Variants in UBAC1 observed in about 807,000 individuals in gnomAD.
The protein encoded by UBAC1 is UBA domain containing 1.
In UBAC1, 27 loss-of-function variants were observed where a neutral mutation model predicts 45.9. The ratio of observed to expected loss-of-function variants is 0.59; its 90% CI spans 0.43 to 0.81. The LOEUF (loss-of-function observed/expected upper bound fraction) is 0.81. Ranked by LOEUF, UBAC1 falls within the 30% of genes least tolerant of loss-of-function variation. The probability of loss-of-function intolerance (pLI) is 0.00; values close to 1 mark genes in which losing one functional copy is unlikely to be tolerated. For synonymous variants in UBAC1, 227 were observed against 215.5 expected, an observed-to-expected ratio of 1.05 and a Z score of -0.47; for missense variants, 529 against 539.2, an observed-to-expected ratio of 0.98 and a Z score of 0.19.
chr9:135,950,447 C>A, intron 3 of UBAC1, among the ~76,000 whole-genome samples: 1 of 152,204 alleles, frequency 6.6e-6, no homozygotes, highest in East Asian at 1.9e-4. Context: ...TTTCCAGAAG[C>A]TTTATCGGCT....
At chr9:135,946,470 T>C in intron 4 of UBAC1, 99 bp from the exon 5 acceptor site, 1 of 789,798 alleles carries the variant, frequency 1.3e-6, no homozygotes, top group Admixed American at 2.0e-5. Flanking sequence ...ATTCTGAGAG[T>C]TGAGATGACA....
intron 9 of UBAC1, among the ~76,000 whole-genome samples, chr9:135,937,481 T>C (rs141920852): frequency 0.023 from 3,478 of 148,042 alleles, 49 homozygotes; most frequent in Non-Finnish European, 0.023. Context: ...GCACCACATG[T>C]AGACAACCCA....
chr9:135,941,650 C>G (rs527521959), intron 7 of UBAC1, among the ~76,000 whole-genome samples: 4 of 152,370 alleles, frequency 2.6e-5, no homozygotes, highest in South Asian at 4.1e-4. Flanking sequence ...TGCCCCAGTA[C>G]TCCCAAGGCA....
At chr9:135,935,968 G>A (rs532606346) in intron 9 of UBAC1, among the ~76,000 whole-genome samples, 27 of 151,268 alleles carry the variant, frequency 1.8e-4, no homozygotes, top group Middle Eastern at 3.4e-3. Flanking sequence ...GGAGCTTGCA[G>A]TGAGCTGAGA....
Position 135,946,375 on chromosome 9 carries a change from T to C in UBAC1, c.442-4A>G. On this transcript the variant is annotated splice_polypyrimidine_tract_variant and splice_region_variant and intron_variant, in intron 4 of 9. Coordinates refer to ENST00000371756, the MANE Select transcript of UBAC1 (RefSeq NM_016172.3). ...TCTTCCGGAGTTCTGTCTGGAACTG[T>C]GGTGAAAAAAAAGGAGATCAATTCT... 6.3e-7 allele frequency: 1 copy of C among 1,599,396 alleles called. No homozygotes were observed. The highest frequency in any genetic ancestry group is 8.6e-7 in the Non-Finnish European group (1 of 1,166,896).
In UBAC1 at chr9:135,955,304, G is replaced by T. The variant is rs757485364; in HGVS notation, c.250C>A (p.Gln84Lys). ...CCCACAGCAGCCTTACCTTGGTCCT[G>T]GATGTTCTCTTCCAGGATGGTCCTG... ...DARTILEENI[Q>K]DQDVLLLIKK... The change falls in exon 2 of 10, where the codon CAG becomes AAG. Residue 84 changes from glutamine to lysine, a missense_variant. Gln to Lys is a moderately conservative substitution (Grantham distance 53, BLOSUM62 1). Transcript: ENST00000371756. 1 of 1,586,304 alleles carries T rather than the reference G, an allele frequency of 6.3e-7. No individual in the cohort carries two copies. The highest frequency in any genetic ancestry group is 1.2e-5 in the South Asian group (1 of 86,188).
intron 4 of UBAC1, among the ~76,000 whole-genome samples, chr9:135,946,660 G>A (rs1839341109): frequency 6.6e-6 from 1 of 152,232 alleles, no homozygotes; most frequent in Non-Finnish European, 1.5e-5. Flanking sequence ...GGCCCAGCTG[G>A]CGCAGGTGCA....
intron 7 of UBAC1, among the ~76,000 whole-genome samples, chr9:135,944,550 G>A (rs889738570): frequency 6.6e-6 from 1 of 152,236 alleles, no homozygotes; most frequent in Non-Finnish European, 1.5e-5. Context: ...CACAGGCGCA[G>A]GGACCCTTCA....
intron 7 of UBAC1, among the ~76,000 whole-genome samples, chr9:135,943,053 G>A (rs1019174962): frequency 2.3e-4 from 35 of 152,098 alleles, no homozygotes; most frequent in African/African-American, 8.0e-4. Flanking sequence ...AATCTACATG[G>A]AATAAACAAA....
intron 4 of UBAC1, among the ~76,000 whole-genome samples, chr9:135,946,584 G>A (rs1839339581): frequency 6.6e-6 from 1 of 152,236 alleles, no homozygotes; most frequent in Non-Finnish European, 1.5e-5. Flanking sequence ...AAAGGGACAG[G>A]AACGCCTGGT....
chr9:135,950,647 A>G (rs914335786), intron 3 of UBAC1, among the ~76,000 whole-genome samples: 1 of 152,254 alleles, frequency 6.6e-6, no homozygotes, highest in Non-Finnish European at 1.5e-5. Context: ...GAGATCTTCA[A>G]CATTATGATC....
At chr9:135,949,476 C>G (rs985430102) in intron 3 of UBAC1, among the ~76,000 whole-genome samples, 2 of 152,184 alleles carry the variant, frequency 1.3e-5, no homozygotes, top group Non-Finnish European at 2.9e-5. Context: ...TTCCAGAACA[C>G]TAAAGCACAC....
At chr9:135,939,795 G>C (rs138844665) in intron 7 of UBAC1, 36 bp from the exon 8 acceptor site, 5 of 1,587,964 alleles carry the variant, frequency 3.1e-6, no homozygotes, top group South Asian at 1.1e-5. Context: ...CGCTGGGGGC[G>C]GCAGGAGGCC....
intron 3 of UBAC1, among the ~76,000 whole-genome samples, chr9:135,950,366 TCAGA>T (rs1839393678): frequency 6.6e-6 from 1 of 152,202 alleles, no homozygotes; most frequent in Non-Finnish European, 1.5e-5. Context: ...AGGCAGCGAC[TCAGA>T]CAGATGCGCA....
intron 9 of UBAC1, among the ~76,000 whole-genome samples, chr9:135,936,901 G>T (rs1008613600): frequency 2.4e-4 from 36 of 152,180 alleles, no homozygotes; most frequent in African/African-American, 8.4e-4. Flanking sequence ...ACCAGAAACT[G>T]AACAACGGCA....
chr9:135,945,372 C>G, intron 6 of UBAC1, 122 bp from the exon 7 acceptor site: 1 of 862,300 alleles, frequency 1.2e-6, no homozygotes, highest in East Asian at 2.8e-5. Flanking sequence ...GCTGGTGACC[C>G]TTATAACAAG....
Position 135,961,010 on chromosome 9 carries a change from G to A in UBAC1, c.138+15C>T, listed in dbSNP as rs767912104. The A allele has an allele frequency of 6.5e-7, 1 of 1,536,182 alleles. No individual in the cohort carries two copies. On this transcript the variant is annotated intron_variant, in intron 1 of 9. Transcript: ENST00000371756. ...GGAGCGGGTGTTGGGGGCAGGGGAG[G>A]GGGCCCGGCCTTACGTGCTTGAGGC... is the stretch of plus-strand genomic sequence containing the variant.
chr9:135,950,873 A>C (rs1839399008), intron 3 of UBAC1, among the ~76,000 whole-genome samples: 2 of 152,210 alleles, frequency 1.3e-5, no homozygotes, highest in South Asian at 4.1e-4. Flanking sequence ...TGAACAGACC[A>C]CCTGAGCCCA....
intron 1 of UBAC1, among the ~76,000 whole-genome samples, chr9:135,957,843 C>A (rs1217599642): frequency 1.3e-5 from 2 of 150,378 alleles, no homozygotes; most frequent in Non-Finnish European, 3.0e-5. Context: ...GGCGCGATCT[C>A]CGCTTATTGC....
Sources: gnomAD v4.1 joint callset for allele counts (sites outside exome capture counted in the v4.1 genomes callset) on GRCh38, gnomAD v4.1.1 for gene constraint, MANE v1.5 for transcripts, NCBI Gene and HGNC (gene_info 2026-07-23, HGNC 2026-07-21) for gene names.